Variants in RSPRY1 observed in about 807,000 individuals in gnomAD.
RSPRY1 encodes ring finger and SPRY domain containing 1.
RSPRY1 carries 23 observed loss-of-function variants against 73.1 expected under a neutral mutation model. The observed-to-expected ratio is 0.31, with a 90% confidence interval of 0.23 to 0.45. The LOEUF (loss-of-function observed/expected upper bound fraction) is 0.45. Among genes scored for constraint, RSPRY1 ranks in the 20% least tolerant of loss-of-function variants. The pLI is 1.00. For synonymous variants in RSPRY1, 226 were observed against 251.4 expected (o/e 0.90, Z 0.95); for missense variants, 448 against 698.7 (o/e 0.64, Z 4.05).
At chr16:57,221,234 C>A (rs1211201958) in intron 9 of RSPRY1, 38 bp from the exon 10 acceptor site, 1 of 1,608,832 alleles carries the variant, frequency 6.2e-7, no homozygotes, top group Middle Eastern at 1.9e-4. Context: ...GGTCTTCAGG[C>A]CCTCATAGTT....
chr16:57,213,367 G>A (rs1204690034), intron 5 of RSPRY1, among the ~76,000 whole-genome samples: 1 of 152,106 alleles, frequency 6.6e-6, no homozygotes, highest in Non-Finnish European at 1.5e-5. Context: ...AAAGAAAAAA[G>A]GGAGAAAAGC....
At chr16:57,197,455 CT>C (rs2074470436) in intron 1 of RSPRY1, among the ~76,000 whole-genome samples, 1 of 152,078 alleles carries the variant, frequency 6.6e-6, no homozygotes, top group Non-Finnish European at 1.5e-5. Context: ...CTTCTTCCAC[CT>C]GATTAACCTC....
At chr16:57,206,561 T>C (rs1481162199) in intron 2 of RSPRY1, among the ~76,000 whole-genome samples, 1 of 152,150 alleles carries the variant, frequency 6.6e-6, no homozygotes, top group Non-Finnish European at 1.5e-5. Context: ...AGAGTTTTTT[T>C]GTTTTGTTTT....
Position 57,209,086 on chromosome 16 carries a change from T to A in RSPRY1, c.415T>A (p.Leu139Met), listed in dbSNP as rs1457015393. The change falls in exon 4 of 15, where the codon TTG becomes ATG. Residue 139 changes from leucine (L) to methionine (M), a missense_variant. Leu to Met is a conservative substitution (Grantham distance 15). Transcript: ENST00000394420. Reference protein sequence around the residue: ...HEMAETDEGWLDVVQSLIRVI... With the variant: ...HEMAETDEGWMDVVQSLIRVI... ...TGATTTGCTCTTAGATGAAGGATGG[T>A]TGGATGTTGTCCAGTCTTTAATTAG... 1 of 1,609,184 alleles carries A rather than the reference T, an allele frequency of 6.2e-7. No individual in the cohort carries two copies. The highest frequency in any genetic ancestry group is 8.5e-7 in the Non-Finnish European group (1 of 1,176,904).
chr16:57,207,958 C>T (rs10221126), intron 2 of RSPRY1, 100 bp from the exon 3 acceptor site: 1 of 740,288 alleles, frequency 1.4e-6, no homozygotes, highest in Non-Finnish European at 2.4e-6. Flanking sequence ...GTGTTCATTT[C>T]TTCTGTCCCT....
chr16:57,221,125 T>C (rs1183622779), intron 9 of RSPRY1, 147 bp from the exon 10 acceptor site: 15 of 1,019,272 alleles, frequency 1.5e-5, no homozygotes, highest in Non-Finnish European at 1.0e-5. Flanking sequence ...TTTTGTACTT[T>C]TTGTCACTGA....
chr16:57,212,919 A>G lies in RSPRY1; in HGVS notation c.517-53A>G, dbSNP rs559686578. On this transcript the variant is annotated intron_variant, in intron 4 of 14. Transcript: ENST00000394420. The stretch of plus-strand genomic sequence containing the variant: ...GTCTCAAAAAAAAAATGAGCCTGGG[A>G]AAACAACCTGTGTAGTATATGGGTC... 5.8e-5 allele frequency: 90 copies of G among 1,554,552 alleles called. No homozygotes were observed. In the South Asian group the frequency reaches 1.0e-3, roughly 17 times the overall value.
chr16:57,221,451 T>C lies in RSPRY1; in HGVS notation c.1161+36T>C, dbSNP rs7206038. On this transcript the variant is annotated intron_variant, in intron 10 of 14. Coordinates refer to ENST00000394420, the MANE Select transcript of RSPRY1 (RefSeq NM_133368.3). ...TAGAGAACTGTGAAAATGGGAGCAG[T>C]GGCAGTTTGCTTTTTCCCCCTAGTT... 1,483,713 of 1,567,644 alleles carry C rather than the reference T, an allele frequency of 0.95. 702,292 individuals are homozygous for C. The highest frequency in any genetic ancestry group is 0.98 in the African/African-American group (71,721 of 72,976).
At chr16:57,195,405 G>T (rs1001413843) in intron 1 of RSPRY1, among the ~76,000 whole-genome samples, 3 of 152,118 alleles carry the variant, frequency 2.0e-5, no homozygotes, top group Middle Eastern at 3.2e-3. Flanking sequence ...CCAGCTATTC[G>T]GGTGGCCGAG....
Position 57,208,041 on chromosome 16 carries a change from T to A in RSPRY1, c.351-17T>A, listed in dbSNP as rs752118169. The A allele has an allele frequency of 2.6e-6, 4 of 1,541,822 alleles. No individual in the cohort carries two copies. Among genetic ancestry groups the A allele is most frequent in the Non-Finnish European group, 2.7e-6 (3 of 1,128,320 alleles). On this transcript the variant is annotated splice_polypyrimidine_tract_variant and intron_variant, in intron 2 of 14. Transcript: ENST00000394420. ...TATTATTTCCTCAGGTTTAATGCCT[T>A]GAATTTTTTTTTCCAGTGATCAGGA...
intron 4 of RSPRY1, among the ~76,000 whole-genome samples, chr16:57,211,002 A>C (rs2074832423): frequency 6.6e-6 from 1 of 152,240 alleles, no homozygotes; most frequent in East Asian, 1.9e-4. Context: ...TGGTTAAAAA[A>C]AGAAGTATTT....
rs1367089261 is a variant in RSPRY1, at chr16:57,203,512, G to GT, written c.-155-985dup. Among the ~76,000 whole-genome samples the GT allele has an allele frequency of 3.9e-5, 6 of 151,990 alleles. No homozygotes were observed. The South Asian group carries it at 1.0e-3, about 26-fold the overall frequency. ...GTCAGCCTGTTTTGTTTGTTTGTTT[G>GT]TTTTTTTACTTTTTGCTACCAGCCC... On this transcript the variant is annotated intron_variant, in intron 1 of 14. Coordinates refer to ENST00000394420, the MANE Select transcript of RSPRY1 (RefSeq NM_133368.3).
chr16:57,215,079 C>T (rs796194500), intron 6 of RSPRY1, among the ~76,000 whole-genome samples: 4 of 151,714 alleles, frequency 2.6e-5, no homozygotes, highest in Admixed American at 1.3e-4. Flanking sequence ...TAATGAGAGC[C>T]GGGGTGTCAT....
intron 14 of RSPRY1, among the ~76,000 whole-genome samples, chr16:57,236,382 A>G (rs146901651): frequency 1.4e-3 from 207 of 152,334 alleles, no homozygotes; most frequent in East Asian, 4.8e-3. Context: ...TATATCCAAA[A>G]TAGAGTTGGA....
At chr16:57,212,777 G>C (rs1239148280) in intron 4 of RSPRY1, among the ~76,000 whole-genome samples, 195 bp from the exon 5 acceptor site, 2 of 152,036 alleles carry the variant, frequency 1.3e-5, no homozygotes, top group Non-Finnish European at 2.9e-5. Context: ...ACCACACCTG[G>C]CTAATTTTTG....
chr16:57,199,269 C>T (rs1029234943), intron 1 of RSPRY1, among the ~76,000 whole-genome samples: 4 of 152,084 alleles, frequency 2.6e-5, no homozygotes, highest in Non-Finnish European at 5.9e-5. Context: ...CCGAGGCGGG[C>T]GGATCACGAA....
intron 1 of RSPRY1, among the ~76,000 whole-genome samples, chr16:57,196,032 A>AT (rs1555499000): frequency 0.12 from 5,855 of 48,628 alleles, 136 homozygotes; most frequent in Non-Finnish European, 0.21. Context: ...AAAAAAAAAA[A>AT]AAATATATAT....
rs754282738 is a variant in RSPRY1, at chr16:57,213,878, A to T, written c.644-10A>T. 6.3e-7 allele frequency: 1 copy of T among 1,580,128 alleles called. No homozygotes were observed. The highest frequency in any genetic ancestry group is 8.7e-7 in the Non-Finnish European group (1 of 1,149,202). ...TTTAATTATATCAAGTGTTTGTTGT[A>T]TTTGTCTAGGTCCTGCAAGTATAGG... On this transcript the variant is annotated splice_polypyrimidine_tract_variant and intron_variant, in intron 5 of 14. Coordinates refer to ENST00000394420, the MANE Select transcript of RSPRY1 (RefSeq NM_133368.3).
In RSPRY1 at chr16:57,208,107, A is replaced by G; in HGVS notation, c.400A>G (p.Thr134Ala). ...GATAACATTACACGAAATGGCAGAAACAGGTATTTTTAGTTTTGTTTTCAT... is the reference window on the plus strand; with the variant it reads ...GATAACATTACACGAAATGGCAGAAGCAGGTATTTTTAGTTTTGTTTTCAT... ...SMITLHEMAE[T>A]DEGWLDVVQS... The change falls in exon 3 of 15, where the codon ACA becomes GCA. Residue 134 changes from threonine to alanine, a missense_variant. Coordinates refer to ENST00000394420, the MANE Select transcript of RSPRY1 (RefSeq NM_133368.3). The G allele has an allele frequency of 6.4e-7, 1 of 1,574,328 alleles. No individual in the cohort carries two copies. Among genetic ancestry groups the G allele is most frequent in the Non-Finnish European group, 8.7e-7 (1 of 1,153,516 alleles).
Sources: allele counts gnomAD v4.1 joint callset (sites outside exome capture counted in the v4.1 genomes callset), GRCh38; gene constraint gnomAD v4.1.1; transcripts MANE v1.5; gene names NCBI Gene and HGNC (gene_info 2026-07-23, HGNC 2026-07-21).